Variants in HIPK3 observed in about 807,000 individuals in gnomAD.
HIPK3 encodes the protein homeodomain-interacting protein kinase 3.
In HIPK3, 47 loss-of-function variants were observed where a neutral mutation model predicts 124.2. The ratio of observed to expected loss-of-function variants is 0.38; its 90% CI spans 0.30 to 0.48. The LOEUF (loss-of-function observed/expected upper bound fraction) is 0.48. HIPK3 is among the 20% of genes least tolerant of loss of function. The pLI, the probability that HIPK3 is intolerant of heterozygous loss-of-function variation, is 0.98. For synonymous variants in HIPK3, 482 were observed against 515.2 expected, an observed-to-expected ratio of 0.94 and a Z score of 0.87; for missense variants, 1,286 against 1,454.3, an observed-to-expected ratio of 0.88 and a Z score of 1.88.
At position 33,351,669 on chromosome 11, in the gene HIPK3, T is replaced by C; in HGVS notation, c.2869T>C (p.Ser957Pro). ...DTVDGSPTSDSSGHDSPFAES... is the reference protein window; with the variant it reads ...DTVDGSPTSDPSGHDSPFAES... ...GGTGGATGGCTCTCCGACATCTGAC[T>C]CTTCCGGGCATGACAGTCCATTTGC... is the stretch of plus-strand genomic sequence containing the variant. Residue 957 changes from serine to proline, a missense_variant, in exon 15 of 17, where the codon TCT becomes CCT. By Grantham distance (74) the Ser-to-Pro change is moderately conservative. Coordinates refer to ENST00000303296, the MANE Select transcript of HIPK3 (RefSeq NM_005734.5). The C allele has an allele frequency of 1.2e-6, 2 of 1,614,260 alleles. No homozygotes were observed. Among genetic ancestry groups the C allele is most frequent in the South Asian group, 1.1e-5 (1 of 91,082 alleles).
At chr11:33,293,266 CT>C (rs1442187446) in intron 2 of HIPK3, among the ~76,000 whole-genome samples, 8 of 151,938 alleles carry the variant, frequency 5.3e-5, no homozygotes, top group African/African-American at 1.9e-4. Flanking sequence ...AATTTAATGG[CT>C]TTTAGTATAT....
Position 33,348,174 on chromosome 11 carries a change from T to G in HIPK3, c.2315T>G (p.Leu772Trp). 2.5e-6 allele frequency: 4 copies of G among 1,613,996 alleles called. No homozygotes were observed. The highest frequency in any genetic ancestry group is 1.3e-5 in the African/African-American group (1 of 75,066). The change falls in exon 12 of 17, where the codon TTG (leucine) becomes TGG (tryptophan). Residue 772 changes from leucine to tryptophan, a missense_variant. Physicochemically the swap from Leu to Trp is moderately conservative, Grantham distance 61. Around this residue, in one of 3 missense-constraint regions of HIPK3, gnomAD observed 810 missense variants for 864.9 expected, o/e 0.94. Coordinates refer to ENST00000303296, the MANE Select transcript of HIPK3 (RefSeq NM_005734.5). ...KNKQCQNRGI[L>W]VKLMEWEPGR... ...CCTTCTCAATTTCTCAGAGGTATTT[T>G]GGTAAAACTAATGGAATGGGAGCCA...
At chr11:33,304,363 A>G (rs1852092355) in intron 2 of HIPK3, among the ~76,000 whole-genome samples, 1 of 152,130 alleles carries the variant, frequency 6.6e-6, no homozygotes, top group African/African-American at 2.4e-5. Flanking sequence ...TTCGAGACCA[A>G]CCTGACGAAC....
chr11:33,314,835 T>C (rs1243166741), intron 2 of HIPK3, among the ~76,000 whole-genome samples: 1 of 152,232 alleles, frequency 6.6e-6, no homozygotes, highest in Non-Finnish European at 1.5e-5. Context: ...TCTGTTGGTG[T>C]TTTACTGACG....
At chr11:33,284,990 C>T (rs892596658) in intron 1 of HIPK3, among the ~76,000 whole-genome samples, 2 of 152,110 alleles carry the variant, frequency 1.3e-5, no homozygotes, top group Non-Finnish European at 2.9e-5. Flanking sequence ...GATAGGTCAG[C>T]AGTTGCTAGG....
At chr11:33,318,639 A>T (rs1852575319) in intron 2 of HIPK3, among the ~76,000 whole-genome samples, 1 of 152,202 alleles carries the variant, frequency 6.6e-6, no homozygotes, top group Non-Finnish European at 1.5e-5. Flanking sequence ...TTTATGTAGG[A>T]TGAAAAGTTT....
At chr11:33,325,178 T>C (rs896094513) in intron 2 of HIPK3, among the ~76,000 whole-genome samples, 3 of 152,230 alleles carry the variant, frequency 2.0e-5, no homozygotes, top group African/African-American at 7.2e-5. Flanking sequence ...TGGTAGCACA[T>C]GGCAGAAGGA....
chr11:33,307,638 C>T (rs1424725912), intron 2 of HIPK3, among the ~76,000 whole-genome samples: 1 of 151,268 alleles, frequency 6.6e-6, no homozygotes, highest in Non-Finnish European at 1.5e-5. Context: ...GATCTCCTGA[C>T]CTCATGATCC....
chr11:33,280,547 A>G (rs1447566634), intron 1 of HIPK3, among the ~76,000 whole-genome samples: 4 of 152,186 alleles, frequency 2.6e-5, no homozygotes, highest in African/African-American at 7.2e-5. Context: ...TATAACTTGC[A>G]TGATATTCCT....
intron 3 of HIPK3, among the ~76,000 whole-genome samples, chr11:33,334,375 A>C (rs1399415400): frequency 2.0e-5 from 3 of 152,110 alleles, no homozygotes; most frequent in Non-Finnish European, 4.4e-5. Flanking sequence ...GGGAATATGT[A>C]TGTTGGATAA....
intron 1 of HIPK3, among the ~76,000 whole-genome samples, chr11:33,274,254 G>C (rs914847207): frequency 6.6e-6 from 1 of 152,136 alleles, no homozygotes; most frequent in East Asian, 1.9e-4. Context: ...GATGATGTCA[G>C]GTGATCTTGT....
In HIPK3 at chr11:33,287,283, A is replaced by G. The variant is rs1851583161; in HGVS notation, c.869A>G (p.Lys290Arg). The change falls in exon 2 of 17, where the codon AAA becomes AGA. Residue 290 changes from lysine to arginine, a missense_variant. Lys to Arg is a conservative substitution (Grantham distance 26, BLOSUM62 2). Around this residue, in one of 3 missense-constraint regions of HIPK3, gnomAD observed 251 missense variants for 349.1 expected, o/e 0.72. Coordinates refer to ENST00000303296, the MANE Select transcript of HIPK3 (RefSeq NM_005734.5). ...TTGTATGACTTTCTGAAACAAAATA[A>G]ATTTAGTCCCCTGCCACTAAAAGTG... is the stretch of plus-strand genomic sequence containing the variant. ...QNLYDFLKQN[K>R]FSPLPLKVIR... The G allele has an allele frequency of 6.2e-7, 1 of 1,613,998 alleles. No individual in the cohort carries two copies. The highest frequency in any genetic ancestry group is 1.3e-5 in the African/African-American group (1 of 74,926).
At chr11:33,288,881 C>G (rs1049995095) in intron 2 of HIPK3, among the ~76,000 whole-genome samples, 1 of 152,138 alleles carries the variant, frequency 6.6e-6, no homozygotes, top group African/African-American at 2.4e-5. Context: ...CAGGATCTGC[C>G]AATATTGGTC....
At chr11:33,332,670 G>C (rs547643218) in intron 3 of HIPK3, among the ~76,000 whole-genome samples, 1 of 152,264 alleles carries the variant, frequency 6.6e-6, no homozygotes, top group South Asian at 2.1e-4. Context: ...TTCAACTGCA[G>C]AGAAAATAAA....
rs182093637 is a variant in HIPK3 at position 33,318,479 on chromosome 11, T to C, written c.1098-10031T>C. ...ATACCTCTTACTAGCTGTGTGACCTTAGGCAAGTTACTTACCCTTTGTCTG... is the reference window on the plus strand; with the variant it reads ...ATACCTCTTACTAGCTGTGTGACCTCAGGCAAGTTACTTACCCTTTGTCTG... On this transcript the variant is annotated intron_variant, in intron 2 of 16. Transcript: ENST00000303296. 3.7e-4 allele frequency among the ~76,000 whole-genome samples: 56 copies of C among 152,312 alleles called. No homozygotes were observed. In the East Asian group the frequency reaches 7.7e-3, roughly 21 times the overall value.
At chr11:33,267,905 A>G (rs1325374233) in intron 1 of HIPK3, among the ~76,000 whole-genome samples, 1 of 152,198 alleles carries the variant, frequency 6.6e-6, no homozygotes, top group Non-Finnish European at 1.5e-5. Context: ...CTCCTAGTAT[A>G]ATTGTATATA....
rs1489040012 is a variant in HIPK3 at position 33,355,313 on chromosome 11, T to G, written c.*1745T>G. On this transcript the variant is annotated 3_prime_UTR_variant, in exon 17 of 17. Transcript: ENST00000303296. The stretch of plus-strand genomic sequence containing the variant: ...GGGGTGTGTTATTTGCATCAGTATT[T>G]TATCTCTATTAATGTTTGTGCTCAT... 2.6e-5 allele frequency: 4 copies of G among 152,052 alleles called. No homozygotes were observed. In the East Asian group the frequency reaches 7.7e-4, roughly 29 times the overall value. 9.4% of individuals were successfully genotyped at this position (152,052 alleles called of 1,614,324 possible). A position where few individuals can be genotyped will look rare whatever the true frequency, so the allele number is the denominator to read the frequency against.
intron 6 of HIPK3, among the ~76,000 whole-genome samples, chr11:33,340,046 G>A (rs1853283809): frequency 6.6e-6 from 1 of 152,088 alleles, no homozygotes. Flanking sequence ...AAATTCCAAA[G>A]GCCTTAAATA....
chr11:33,326,576 G>C (rs185607026), intron 2 of HIPK3, among the ~76,000 whole-genome samples: 1 of 152,266 alleles, frequency 6.6e-6, no homozygotes, highest in East Asian at 1.9e-4. Flanking sequence ...GATGTGCCTG[G>C]AATATCTTGC....
Sources: allele counts gnomAD v4.1 joint callset (sites outside exome capture counted in the v4.1 genomes callset), GRCh38; gene constraint gnomAD v4.1.1; regional missense constraint gnomAD v4.1.1; transcripts MANE v1.5; gene names NCBI Gene and HGNC (gene_info 2026-07-23, HGNC 2026-07-21).